The following ENOX1 variants were observed in gnomAD, a reference collection of about 807,000 sequenced individuals.
The protein encoded by ENOX1 is candidate growth-related and time keeping constitutive hydroquinone (NADH) oxidase.
ENOX1 carries 42 observed loss-of-function variants against 82.5 expected under a neutral mutation model. The ratio of observed to expected loss-of-function variants is 0.51; its 90% CI spans 0.40 to 0.66. The LOEUF (loss-of-function observed/expected upper bound fraction) is 0.66. ENOX1 is among the 30% of genes least tolerant of loss of function. ENOX1 has a pLI of 0.00. For missense variants in ENOX1, 608 were observed against 811.6 expected (o/e 0.75, Z 3.05); for synonymous variants, 271 against 282.2 (o/e 0.96, Z 0.40).
intron 14 of ENOX1, among the ~76,000 whole-genome samples, chr13:43,247,860 TATATATATATATATATATATATA>T (rs1566329430): frequency 0.034 from 134 of 3,922 alleles, 3 homozygotes; most frequent in African/African-American, 0.042. Flanking sequence ...TATATATATA[TATATATATATATATATATATATA>T]TTTTTTTTTT....
intron 1 of ENOX1, among the ~76,000 whole-genome samples, chr13:43,716,272 C>T (rs2088125394): frequency 6.6e-6 from 1 of 152,128 alleles, no homozygotes; most frequent in Non-Finnish European, 1.5e-5. Flanking sequence ...AGTTTTCCTT[C>T]TAACAGACAG....
At chr13:43,227,001 T>C (rs1173091935) in intron 15 of ENOX1, among the ~76,000 whole-genome samples, 1 of 150,694 alleles carries the variant, frequency 6.6e-6, no homozygotes, top group African/African-American at 2.5e-5. Flanking sequence ...ATATTTAATA[T>C]TCCCCCTGGC....
At chr13:43,482,202 C>A (rs1049140303) in intron 3 of ENOX1, among the ~76,000 whole-genome samples, 1 of 152,182 alleles carries the variant, frequency 6.6e-6, no homozygotes, top group Non-Finnish European at 1.5e-5. Context: ...ATGTTCACTG[C>A]AGCATTATTC....
chr13:43,220,125 T>C (rs915121863), intron 16 of ENOX1, among the ~76,000 whole-genome samples: 2 of 150,646 alleles, frequency 1.3e-5, no homozygotes, highest in South Asian at 4.2e-4. Context: ...AGACAAGAAG[T>C]CAGGAATTCG....
chr13:43,676,674 G>T (rs1425896199), intron 1 of ENOX1, among the ~76,000 whole-genome samples: 1 of 152,094 alleles, frequency 6.6e-6, no homozygotes, highest in African/African-American at 2.4e-5. Flanking sequence ...AGGAACAACA[G>T]GCAATTATGC....
At chr13:43,563,715 T>A (rs541855067) in intron 2 of ENOX1, among the ~76,000 whole-genome samples, 1 of 152,216 alleles carries the variant, frequency 6.6e-6, no homozygotes, top group Non-Finnish European at 1.5e-5. Context: ...GAGGCTACTA[T>A]GAGCCACTGT....
At chr13:43,710,128 G>A (rs918478362) in intron 1 of ENOX1, among the ~76,000 whole-genome samples, 5 of 152,164 alleles carry the variant, frequency 3.3e-5, no homozygotes, top group Non-Finnish European at 4.4e-5. Context: ...ATCCAACAGA[G>A]TATTAAAATA....
At chr13:43,669,727 T>C (rs1458137770) in intron 1 of ENOX1, among the ~76,000 whole-genome samples, 1 of 152,188 alleles carries the variant, frequency 6.6e-6, no homozygotes, top group Non-Finnish European at 1.5e-5. Context: ...TTAGAAATGA[T>C]AGGAAAATTG....
rs545582971 is a variant in ENOX1 at position 43,543,210 on chromosome 13, T to C, written c.-218-59058A>G. 3.3e-5 allele frequency among the ~76,000 whole-genome samples: 5 copies of C among 152,090 alleles called. No individual in the cohort carries two copies. The South Asian group carries it at 1.0e-3, about 32-fold the overall frequency. The stretch of plus-strand genomic sequence containing the variant: ...CTGTTTGTTATAGTGATGCTTCTCC[T>C]GGGGTTGAGTGGTAAAAAGAGGAAG... On this transcript the variant is annotated intron_variant, in intron 2 of 16. Transcript: ENST00000690772.
intron 2 of ENOX1, among the ~76,000 whole-genome samples, chr13:43,564,050 G>T (rs997455752): frequency 1.3e-5 from 2 of 151,654 alleles, no homozygotes; most frequent in African/African-American, 4.8e-5. Flanking sequence ...ACCAGACAAA[G>T]ACTCATTAAA....
At chr13:43,393,419 T>C (rs2052924252) in intron 5 of ENOX1, among the ~76,000 whole-genome samples, 1 of 152,360 alleles carries the variant, frequency 6.6e-6, no homozygotes, top group East Asian at 1.9e-4. Context: ...TGAAGTTTTT[T>C]TATTCAATAC....
At chr13:43,397,556 C>T (rs1388594367) in intron 5 of ENOX1, among the ~76,000 whole-genome samples, 1 of 152,150 alleles carries the variant, frequency 6.6e-6, no homozygotes, top group Non-Finnish European at 1.5e-5. Context: ...TAAAGATGCC[C>T]TTGTGGTCAG....
intron 1 of ENOX1, among the ~76,000 whole-genome samples, chr13:43,679,557 AT>A (rs1452820345): frequency 6.6e-6 from 1 of 152,214 alleles, no homozygotes; most frequent in Non-Finnish European, 1.5e-5. Context: ...GATAAAAACT[AT>A]TTGTAGTTTC....
At chr13:43,472,112 A>T (rs1282288952) in intron 3 of ENOX1, among the ~76,000 whole-genome samples, 1 of 152,090 alleles carries the variant, frequency 6.6e-6, no homozygotes. Context: ...TAATTTCCTC[A>T]TTTATAAAAT....
intron 1 of ENOX1, among the ~76,000 whole-genome samples, chr13:43,775,387 C>G (rs1417624224): frequency 6.6e-6 from 1 of 152,126 alleles, no homozygotes; most frequent in East Asian, 1.9e-4. Context: ...AGTGACCCTC[C>G]CACCTTGGTC....
At chr13:43,301,887 G>GA (rs1210653196) in intron 11 of ENOX1, among the ~76,000 whole-genome samples, 9 of 151,720 alleles carry the variant, frequency 5.9e-5, no homozygotes, top group African/African-American at 1.5e-4. Flanking sequence ...AGCGCTAACA[G>GA]AAAAAAAATC....
chr13:43,601,874 G>A lies in ENOX1; in HGVS notation c.-219+65605C>T, dbSNP rs1265649539. ...CAAACTTCTCAGTGGAAACTTTATA[G>A]GCCAGAAGAGTGTGAAATGACATAT... On this transcript the variant is annotated intron_variant, in intron 2 of 16. Transcript: ENST00000690772. Among the ~76,000 whole-genome samples, 3 of 152,014 alleles carry A rather than the reference G, an allele frequency of 2.0e-5. No individual in the cohort carries two copies. The East Asian group carries it at 5.8e-4, about 29-fold the overall frequency.
chr13:43,253,604 C>T lies in ENOX1; in HGVS notation c.1611+11794G>A, dbSNP rs148617502. 3.3e-3 allele frequency among the ~76,000 whole-genome samples: 498 copies of T among 152,228 alleles called. 2 individuals carry two copies. Among genetic ancestry groups the T allele is most frequent in the Middle Eastern group, 6.8e-3 (2 of 294 alleles). On this transcript the variant is annotated intron_variant, in intron 14 of 16. Transcript: ENST00000690772. ...TGTGGTTAGCAGAAATGAAGTGGTG[C>T]GAAAATCACTATGGAATATTTAATA...
At chr13:43,714,887 A>AT (rs1327150059) in intron 1 of ENOX1, among the ~76,000 whole-genome samples, 4 of 152,112 alleles carry the variant, frequency 2.6e-5, no homozygotes, top group African/African-American at 9.7e-5. Context: ...GTGTCTTTTA[A>AT]TTGGAGCATT....
Sources: allele counts gnomAD v4.1 joint callset (sites outside exome capture counted in the v4.1 genomes callset), GRCh38; gene constraint gnomAD v4.1.1; transcripts MANE v1.5; gene names NCBI Gene and HGNC (gene_info 2026-07-23, HGNC 2026-07-21).